Variants in KLHL13 observed in about 807,000 individuals in gnomAD.
KLHL13 encodes kelch-like protein 13.
A neutral mutation model predicts 37.1 loss-of-function variants in KLHL13; 10 were observed. The ratio of observed to expected loss-of-function variants is 0.27; its 90% CI spans 0.17 to 0.46. The LOEUF (loss-of-function observed/expected upper bound fraction) is 0.46, where lower values mean the gene tolerates loss of function less well. Ranked by LOEUF, KLHL13 falls within the 20% of genes least tolerant of loss-of-function variation. KLHL13 has a pLI of 1.00. For synonymous variants in KLHL13, 163 were observed against 181.2 expected (o/e 0.90, Z 0.81); for missense variants, 360 against 509.3 (o/e 0.71, Z 2.82).
At chrX:118,048,217 C>A (rs1488494194) in intron 1 of KLHL13, among the ~76,000 whole-genome samples, 3 of 111,318 alleles carry the variant, frequency 2.7e-5, no homozygotes, top group African/African-American at 9.8e-5. Context: ...ATTTTGTTTT[C>A]ATAATAGGAG....
At chrX:117,974,304 G>A (rs2053570666), upstream of KLHL13, among the ~76,000 whole-genome samples, 1 of 111,782 alleles carries the variant, frequency 8.9e-6, no homozygotes, top group African/African-American at 3.3e-5. Context: ...ATCAATGCAA[G>A]CTTAGTAAAG....
chrX:118,089,463 C>A (rs1463547952), intron 1 of KLHL13, among the ~76,000 whole-genome samples: 3 of 108,514 alleles, frequency 2.8e-5, no homozygotes, highest in African/African-American at 6.7e-5. Context: ...GCTGTCTAGA[C>A]CCACCTGGCA....
chrX:118,044,550 T>C (rs935597342), intron 1 of KLHL13, among the ~76,000 whole-genome samples: 1 of 109,574 alleles, frequency 9.1e-6, no homozygotes, highest in African/African-American at 3.3e-5. Flanking sequence ...CATAGACCAA[T>C]GGAACAGAAT....
At chrX:118,092,961 C>G (rs1229963352) in intron 1 of KLHL13, among the ~76,000 whole-genome samples, 3 of 111,370 alleles carry the variant, frequency 2.7e-5, no homozygotes, top group Non-Finnish European at 5.7e-5. Flanking sequence ...TTAGTCAAAA[C>G]CAGGCTACTT....
At chrX:118,041,037 C>A (rs1277426004) in intron 1 of KLHL13, among the ~76,000 whole-genome samples, 1 of 111,887 alleles carries the variant, frequency 8.9e-6, no homozygotes, top group Non-Finnish European at 1.9e-5. Flanking sequence ...ATTTCATCAA[C>A]ACCAGATCTG....
chrX:118,010,432 C>A (rs1389519823), intron 1 of KLHL13, among the ~76,000 whole-genome samples: 1 of 49,588 alleles, frequency 2.0e-5, no homozygotes, highest in Non-Finnish European at 3.7e-5. Flanking sequence ...GAGTTCATGT[C>A]CTTTGTAGGG....
intron 1 of KLHL13, among the ~76,000 whole-genome samples, chrX:117,990,343 C>T (rs1175758621): frequency 9.0e-6 from 1 of 110,638 alleles, no homozygotes; most frequent in Non-Finnish European, 1.9e-5. Context: ...CACTTAACTA[C>T]CATAAGGAAG....
intron 1 of KLHL13, among the ~76,000 whole-genome samples, chrX:117,991,097 T>G (rs1013655621): frequency 9.9e-6 from 1 of 101,256 alleles, no homozygotes; most frequent in African/African-American, 4.5e-5. Context: ...AGTGTGTTTT[T>G]GGGGTATGTT....
intron 1 of KLHL13, among the ~76,000 whole-genome samples, chrX:117,988,840 T>C (rs994645830): frequency 8.0e-5 from 9 of 112,045 alleles, no homozygotes; most frequent in African/African-American, 2.9e-4. Flanking sequence ...ATCTCATTAG[T>C]AATTCAAACT....
chrX:117,985,435 G>C, intron 1 of KLHL13: 1 of 864,931 alleles, frequency 1.2e-6, no homozygotes, highest in Non-Finnish European at 1.4e-6. Context: ...GCAGAAACAG[G>C]CTTTATATAT....
At chrX:118,019,656 A>G (rs1438934270) in intron 1 of KLHL13, among the ~76,000 whole-genome samples, 14 of 110,797 alleles carry the variant, frequency 1.3e-4, no homozygotes, top group Non-Finnish European at 2.6e-4. Context: ...ATCCATCTTG[A>G]ATTGATTTTT....
intron 1 of KLHL13, among the ~76,000 whole-genome samples, chrX:118,078,814 T>C (rs1453595999): frequency 8.9e-6 from 1 of 111,937 alleles, no homozygotes; most frequent in Non-Finnish European, 1.9e-5. Context: ...GTTAAGTGTA[T>C]ATTTAACTTT....
At chrX:118,003,742 G>A (rs2053951236) in intron 1 of KLHL13, among the ~76,000 whole-genome samples, 1 of 110,572 alleles carries the variant, frequency 9.0e-6, no homozygotes, top group African/African-American at 3.3e-5. Context: ...CAGTACAAGG[G>A]TAGTAATCCT....
At chrX:117,912,212 G>A (rs1284155963) in intron 4 of KLHL13, among the ~76,000 whole-genome samples, 2 of 111,756 alleles carry the variant, frequency 1.8e-5, no homozygotes, top group Non-Finnish European at 3.8e-5. Flanking sequence ...TACTTTTGAA[G>A]ATGTTTATTA....
intron 1 of KLHL13, among the ~76,000 whole-genome samples, chrX:117,989,244 G>A (rs1308293890): frequency 9.0e-6 from 1 of 110,656 alleles, no homozygotes; most frequent in East Asian, 2.8e-4. Flanking sequence ...TTTTCAACCT[G>A]ATCCTGAGGT....
chrX:118,041,331 A>G (rs988165734), intron 1 of KLHL13, among the ~76,000 whole-genome samples: 3 of 111,531 alleles, frequency 2.7e-5, no homozygotes, highest in African/African-American at 9.8e-5. Context: ...GTTCAAGACC[A>G]GTCTGGGCAA....
chrX:117,928,577 T>C (rs1932215071), intron 2 of KLHL13, among the ~76,000 whole-genome samples: 1 of 111,775 alleles, frequency 8.9e-6, no homozygotes, highest in Non-Finnish European at 1.9e-5. Flanking sequence ...TCCCCAAATG[T>C]TTTGAAACTA....
exon 5 of KLHL13, chrX:117,909,878 A>G: frequency 8.3e-7 from 1 of 1,211,866 alleles, no homozygotes; most frequent in Non-Finnish European, 1.1e-6. Flanking sequence ...GGCGAAGCCA[A>G]CGACAGGTAG....
At chrX:117,940,733 G>C (rs1214645642) in intron 2 of KLHL13, among the ~76,000 whole-genome samples, 3 of 111,248 alleles carry the variant, frequency 2.7e-5, no homozygotes, top group Non-Finnish European at 5.7e-5. Flanking sequence ...CTCATGATTT[G>C]GATCTCTGTT....
Sources: allele counts gnomAD v4.1 joint callset (sites outside exome capture counted in the v4.1 genomes callset), GRCh38; gene constraint gnomAD v4.1.1; transcripts MANE v1.5; gene names NCBI Gene and HGNC (gene_info 2026-07-23, HGNC 2026-07-21).